The following DPP10 variants were observed in gnomAD, a reference collection of about 807,000 sequenced individuals.
The protein encoded by DPP10 is inactive dipeptidyl peptidase 10.
DPP10 carries 33 observed loss-of-function variants against 120.9 expected under a neutral mutation model. That is an observed-to-expected ratio of 0.27 (90% CI 0.21 to 0.37). The LOEUF (loss-of-function observed/expected upper bound fraction) is 0.37. Among genes scored for constraint, DPP10 ranks in the 10% least tolerant of loss-of-function variants. DPP10 has a pLI of 1.00. For missense variants in DPP10, 816 were observed against 942.8 expected (o/e 0.87, Z 1.76); for synonymous variants, 337 against 326.1 (o/e 1.03, Z -0.36).
intron 1 of DPP10, among the ~76,000 whole-genome samples, chr2:115,138,537 T>C (rs1421726450): frequency 6.6e-6 from 1 of 152,230 alleles, no homozygotes; most frequent in Non-Finnish European, 1.5e-5. Context: ...ATTAACTCAA[T>C]GTTTTATTCA....
rs940712123 is a variant in DPP10 at position 115,190,331 on chromosome 2, ACTT to A, written c.61-118902_61-118900del. Among the ~76,000 whole-genome samples the A allele has an allele frequency of 3.4e-5, 5 of 145,706 alleles. No individual in the cohort carries two copies. In the East Asian group the frequency reaches 6.4e-4, roughly 19 times the overall value. On this transcript the variant is annotated intron_variant, in intron 1 of 25. Coordinates refer to ENST00000410059, the MANE Select transcript of DPP10 (RefSeq NM_020868.6). ...GGGGGTCAAAGGACCCATGTGAGGCACTTCTTCTACAATTTTTTTTTAATCATG... is the reference window on the plus strand; with the variant it reads ...GGGGGTCAAAGGACCCATGTGAGGCACTTCTACAATTTTTTTTTAATCATG...
intron 1 of DPP10, among the ~76,000 whole-genome samples, chr2:114,452,862 G>C (rs762124570): frequency 1.9e-4 from 29 of 152,030 alleles, no homozygotes; most frequent in Admixed American, 2.6e-4. Flanking sequence ...GTGATTACAT[G>C]GTTTCTTCAG....
At chr2:114,718,573 T>C (rs1701505607) in intron 1 of DPP10, among the ~76,000 whole-genome samples, 3 of 152,200 alleles carry the variant, frequency 2.0e-5, no homozygotes. Context: ...ACCAATGTTT[T>C]TGGTCACAGG....
chr2:114,624,517 G>A (rs1046515777), intron 1 of DPP10, among the ~76,000 whole-genome samples: 1 of 151,850 alleles, frequency 6.6e-6, no homozygotes, highest in Non-Finnish European at 1.5e-5. Flanking sequence ...AACCCCATCT[G>A]TCACTTAGTG....
chr2:115,020,864 A>C (rs1325324107), intron 1 of DPP10, among the ~76,000 whole-genome samples: 1 of 152,072 alleles, frequency 6.6e-6, no homozygotes, highest in Non-Finnish European at 1.5e-5. Context: ...ACTCCAGAAG[A>C]AACCCTCAGA....
At chr2:114,647,908 G>A (rs769916422) in intron 1 of DPP10, among the ~76,000 whole-genome samples, 3 of 152,106 alleles carry the variant, frequency 2.0e-5, no homozygotes, top group Non-Finnish European at 2.9e-5. Flanking sequence ...GCTATCTCCT[G>A]TTCCTGGTGT....
intron 1 of DPP10, among the ~76,000 whole-genome samples, chr2:115,087,541 T>TC (rs1159747365): frequency 7.2e-6 from 1 of 139,516 alleles, no homozygotes; most frequent in Admixed American, 7.1e-5. Context: ...TTCTTTTCTT[T>TC]TTTTTTTTTT....
intron 1 of DPP10, among the ~76,000 whole-genome samples, chr2:115,114,923 G>A (rs923651336): frequency 2.0e-5 from 3 of 151,948 alleles, no homozygotes; most frequent in Non-Finnish European, 4.4e-5. Context: ...GACATAAATA[G>A]TTTGATAAGA....
rs577486906 is a variant in DPP10 at position 115,005,390 on chromosome 2, A to T, written c.61-303849A>T. On this transcript the variant is annotated intron_variant, in intron 1 of 25. Coordinates refer to ENST00000410059, the MANE Select transcript of DPP10 (RefSeq NM_020868.6). The stretch of plus-strand genomic sequence containing the variant: ...GAGAATGACTTTGACGAGCTGAGAG[A>T]AGAAGGCTTCAGACGATCAAATTAC... Among the ~76,000 whole-genome samples, 469 of 152,294 alleles carry T rather than the reference A, an allele frequency of 3.1e-3. 2 individuals are homozygous for T. The highest frequency in any genetic ancestry group is 0.011 in the African/African-American group (442 of 41,562).
intron 13 of DPP10, 54 bp downstream of exon 13, chr2:115,768,458 G>A: frequency 6.6e-7 from 1 of 1,514,064 alleles, no homozygotes; most frequent in Non-Finnish European, 9.1e-7. Context: ...TGTCCCCGAA[G>A]GCCCAGTTCT....
intron 1 of DPP10, among the ~76,000 whole-genome samples, chr2:115,282,504 T>TA (rs970494811): frequency 1.3e-5 from 2 of 152,138 alleles, no homozygotes; most frequent in Non-Finnish European, 2.9e-5. Context: ...ATATACTTCT[T>TA]ACATTTTATA....
chr2:114,591,554 A>ATTTTTTTTTTTTTT (rs70937292), intron 1 of DPP10, among the ~76,000 whole-genome samples: 8 of 124,568 alleles, frequency 6.4e-5, no homozygotes, highest in East Asian at 2.4e-4. Flanking sequence ...ACCTCTTCCT[A>ATTTTTTTTTTTTTT]TTTTTTTTTT....
intron 1 of DPP10, among the ~76,000 whole-genome samples, chr2:114,923,930 C>T (rs1450336033): frequency 6.6e-6 from 1 of 151,996 alleles, no homozygotes; most frequent in East Asian, 1.9e-4. Context: ...TGTTATATCG[C>T]CCTGGTTGGT....
intron 7 of DPP10, among the ~76,000 whole-genome samples, chr2:115,708,755 G>A (rs1370621989): frequency 6.6e-6 from 1 of 151,740 alleles, no homozygotes; most frequent in East Asian, 1.9e-4. Flanking sequence ...CTTATTCTTG[G>A]AATTAGAATC....
At chr2:114,645,889 A>G (rs926575975) in intron 1 of DPP10, among the ~76,000 whole-genome samples, 15 of 152,046 alleles carry the variant, frequency 9.9e-5, no homozygotes, top group African/African-American at 3.6e-4. Context: ...TTAAAGGGGG[A>G]TAATGGCTCA....
chr2:114,575,595 A>G (rs1439296982), intron 1 of DPP10, among the ~76,000 whole-genome samples: 1 of 152,174 alleles, frequency 6.6e-6, no homozygotes, highest in Non-Finnish European at 1.5e-5. Flanking sequence ...TATATGAATT[A>G]ATACATTTAA....
At chr2:114,522,332 A>G (rs1321502176) in intron 1 of DPP10, among the ~76,000 whole-genome samples, 1 of 152,134 alleles carries the variant, frequency 6.6e-6, no homozygotes, top group Non-Finnish European at 1.5e-5. Flanking sequence ...TGTAAAGGCT[A>G]TATACTAATA....
At chr2:114,841,789 T>G (rs1273564823) in intron 1 of DPP10, among the ~76,000 whole-genome samples, 1 of 152,060 alleles carries the variant, frequency 6.6e-6, no homozygotes, top group Non-Finnish European at 1.5e-5. Flanking sequence ...TACAGAAATC[T>G]GGGAATTGCT....
At position 115,743,506 on chromosome 2, in the gene DPP10, C is replaced by T. The variant is rs78470872; in HGVS notation, c.853-2580C>T. 2.5e-3 allele frequency among the ~76,000 whole-genome samples: 377 copies of T among 152,240 alleles called. 16 individuals are homozygous for T. The East Asian group carries it at 0.065, about 26-fold the overall frequency. Reference sequence around the variant, plus strand: ...GAAAGATCTAATTTAATTTAATTTCCCGCTTGCTTTAATCAGTGTATCTAA... The same window carrying T: ...GAAAGATCTAATTTAATTTAATTTCTCGCTTGCTTTAATCAGTGTATCTAA... On this transcript the variant is annotated intron_variant, in intron 9 of 25. Coordinates refer to ENST00000410059, the MANE Select transcript of DPP10 (RefSeq NM_020868.6).
Sources: gnomAD v4.1 joint callset for allele counts (sites outside exome capture counted in the v4.1 genomes callset) on GRCh38, gnomAD v4.1.1 for gene constraint, MANE v1.5 for transcripts, NCBI Gene and HGNC (gene_info 2026-07-23, HGNC 2026-07-21) for gene names.